The following SUCLG2 variants were observed in gnomAD, a reference collection of about 807,000 sequenced individuals.
SUCLG2 encodes succinate--CoA ligase [GDP-forming] subunit beta, mitochondrial.
A neutral mutation model predicts 47.9 loss-of-function variants in SUCLG2; 42 were observed. The observed-to-expected ratio is 0.88, with a 90% confidence interval of 0.69 to 1.14. The LOEUF is 1.14. Ranked by LOEUF, SUCLG2 falls within the 50% of genes most tolerant of loss-of-function variation. SUCLG2 has a pLI of 0.00. For missense variants in SUCLG2, 571 were observed against 525.9 expected (o/e 1.09, Z -0.84); for synonymous variants, 195 against 197.3 (o/e 0.99, Z 0.10).
chr3:67,459,358 G>A (rs1302638948), intron 9 of SUCLG2, among the ~76,000 whole-genome samples: 1 of 152,120 alleles, frequency 6.6e-6, no homozygotes, highest in Non-Finnish European at 1.5e-5. Context: ...CTGTTGGAAG[G>A]AAAACACCAG....
At chr3:67,429,324 A>C (rs1026528559) in intron 9 of SUCLG2, among the ~76,000 whole-genome samples, 1 of 152,210 alleles carries the variant, frequency 6.6e-6, no homozygotes, top group Non-Finnish European at 1.5e-5. Flanking sequence ...AGAATTTTCA[A>C]CCCAGAATTT....
chr3:67,475,752 C>A (rs1377836901), intron 9 of SUCLG2, among the ~76,000 whole-genome samples: 1 of 150,100 alleles, frequency 6.7e-6, no homozygotes, highest in Non-Finnish European at 1.5e-5. Flanking sequence ...TGGAGTTTTG[C>A]TACACTGCCC....
At chr3:67,485,342 C>CT (rs1705023746) in intron 9 of SUCLG2, among the ~76,000 whole-genome samples, 1 of 152,110 alleles carries the variant, frequency 6.6e-6, no homozygotes. Flanking sequence ...TTTCCTAAGT[C>CT]TTATGGCTTA....
At chr3:67,525,504 T>C (rs1030282235) in intron 4 of SUCLG2, among the ~76,000 whole-genome samples, 3 of 152,138 alleles carry the variant, frequency 2.0e-5, no homozygotes, top group African/African-American at 4.8e-5. Flanking sequence ...GACAAAGATG[T>C]AAAAGCAATT....
intron 10 of SUCLG2, among the ~76,000 whole-genome samples, chr3:67,366,648 A>G (rs867584869): frequency 6.6e-6 from 1 of 152,192 alleles, no homozygotes; most frequent in Non-Finnish European, 1.5e-5. Context: ...GAAATGACTC[A>G]GAAGAACCTG....
At chr3:67,496,297 G>C (rs1454453377) in intron 8 of SUCLG2, among the ~76,000 whole-genome samples, 1 of 152,166 alleles carries the variant, frequency 6.6e-6, no homozygotes, top group Non-Finnish European at 1.5e-5. Context: ...AGAGAATCAG[G>C]AGGCAGAGAA....
At chr3:67,503,820 G>A (rs1240675556) in intron 7 of SUCLG2, among the ~76,000 whole-genome samples, 2 of 152,164 alleles carry the variant, frequency 1.3e-5, no homozygotes, top group East Asian at 3.8e-4. Context: ...TATATGCATA[G>A]GGTGTTTTGT....
At chr3:67,520,397 C>A in intron 5 of SUCLG2, 85 bp downstream of exon 5, 1 of 1,579,678 alleles carries the variant, frequency 6.3e-7, no homozygotes, top group Non-Finnish European at 8.7e-7. Context: ...ATTTAGTGCT[C>A]CTGGCCTTAG....
rs139819454 is a variant in SUCLG2 at position 67,537,457 on chromosome 3, T to A, written c.227-8271A>T. On this transcript the variant is annotated intron_variant, in intron 2 of 10. Coordinates refer to ENST00000307227, the MANE Select transcript of SUCLG2 (RefSeq NM_003848.4). Reference sequence around the variant, plus strand: ...ATTTATATGTGCCACATTTTCTTTATTCAGCCTATCACTGATGGGCATTTG... The same window carrying A: ...ATTTATATGTGCCACATTTTCTTTAATCAGCCTATCACTGATGGGCATTTG... Among the ~76,000 whole-genome samples, 30 of 152,376 alleles carry A rather than the reference T, an allele frequency of 2.0e-4. 1 individual carries two copies. The East Asian group carries it at 5.8e-3, about 29-fold the overall frequency.
intron 4 of SUCLG2, among the ~76,000 whole-genome samples, chr3:67,524,908 A>G (rs974818158): frequency 5.3e-5 from 8 of 152,188 alleles, no homozygotes; most frequent in Admixed American, 3.9e-4. Flanking sequence ...TAACAGGCAC[A>G]GACAAATAAA....
Position 67,654,571 on chromosome 3 carries a change from C to G in SUCLG2, c.16G>C (p.Ala6Pro). The G allele has an allele frequency of 7.8e-7, 1 of 1,274,338 alleles. No homozygotes were observed. Among genetic ancestry groups the G allele is most frequent in the Non-Finnish European group, 9.9e-7 (1 of 1,007,654 alleles). 78.9% of individuals were successfully genotyped at this position (1,274,338 alleles called of 1,614,324 possible). The change falls in exon 1 of 11, where the codon GCA (alanine) becomes CCA (proline). Residue 6 changes from alanine (A) to proline (P), a missense_variant. By Grantham distance (27) the Ala-to-Pro change is conservative (BLOSUM62 -1). Coordinates refer to ENST00000307227, the MANE Select transcript of SUCLG2 (RefSeq NM_003848.4). ...CGCAGAAGCTTCCCGGCCTGCGCTG[C>G]TACGGGGGACGCCATCTTAAACAGG... is the stretch of plus-strand genomic sequence containing the variant. MASPV[A>P]AQAGKLLRAL...
At chr3:67,389,877 A>G (rs1010278003) in intron 10 of SUCLG2, among the ~76,000 whole-genome samples, 3 of 152,152 alleles carry the variant, frequency 2.0e-5, no homozygotes, top group Non-Finnish European at 2.9e-5. Flanking sequence ...ATTCATATCA[A>G]TATTAAAATT....
chr3:67,624,445 G>A (rs1224995396), intron 1 of SUCLG2, among the ~76,000 whole-genome samples: 3 of 152,142 alleles, frequency 2.0e-5, no homozygotes, highest in African/African-American at 7.2e-5. Flanking sequence ...GATCTTAGAT[G>A]CTTTTAAAGA....
At chr3:67,508,339 C>T (rs990300803) in intron 7 of SUCLG2, among the ~76,000 whole-genome samples, 1 of 152,168 alleles carries the variant, frequency 6.6e-6, no homozygotes, top group Non-Finnish European at 1.5e-5. Context: ...CATTTCTACA[C>T]AAATCTTTAC....
intron 4 of SUCLG2, among the ~76,000 whole-genome samples, chr3:67,522,825 G>T (rs1056636755): frequency 1.3e-5 from 2 of 150,634 alleles, no homozygotes; most frequent in Non-Finnish European, 2.9e-5. Flanking sequence ...CACCACACCC[G>T]GCTAATTTTT....
chr3:67,381,401 A>C (rs1702155389), intron 10 of SUCLG2, among the ~76,000 whole-genome samples: 1 of 152,096 alleles, frequency 6.6e-6, no homozygotes, highest in Non-Finnish European at 1.5e-5. Flanking sequence ...TCTATTCCCC[A>C]ACCCTCTCCC....
intron 7 of SUCLG2, among the ~76,000 whole-genome samples, chr3:67,502,941 C>T (rs1050428396): frequency 5.9e-5 from 9 of 152,186 alleles, no homozygotes; most frequent in African/African-American, 1.7e-4. Flanking sequence ...AATCACATCA[C>T]ACCTGTGCAT....
At chr3:67,600,377 T>A (rs1024408681) in intron 2 of SUCLG2, among the ~76,000 whole-genome samples, 3 of 152,210 alleles carry the variant, frequency 2.0e-5, no homozygotes, top group African/African-American at 7.2e-5. Context: ...GGTGAGTGCC[T>A]CATTTGTGTG....
intron 10 of SUCLG2, among the ~76,000 whole-genome samples, chr3:67,392,182 G>A (rs1340628848): frequency 6.6e-6 from 1 of 151,976 alleles, no homozygotes; most frequent in Non-Finnish European, 1.5e-5. Flanking sequence ...GACCCCTGTG[G>A]ACATGTCCTT....
Sources: allele counts gnomAD v4.1 joint callset (sites outside exome capture counted in the v4.1 genomes callset), GRCh38; gene constraint gnomAD v4.1.1; transcripts MANE v1.5; gene names NCBI Gene and HGNC (gene_info 2026-07-23, HGNC 2026-07-21).